TBC1D23: variants seen among roughly 807,000 people sequenced by gnomAD.
TBC1D23 encodes TBC1 domain family member 23, also known as HCV non-structural protein 4A-transactivated protein 1.
TBC1D23 carries 55 observed loss-of-function variants against 91.4 expected under a neutral mutation model. The observed-to-expected ratio is 0.60, with a 90% CI of 0.48 to 0.75. The LOEUF (loss-of-function observed/expected upper bound fraction) is 0.75, where lower values mean the gene tolerates loss of function less well. Ranked by LOEUF, TBC1D23 falls within the 30% of genes least tolerant of loss-of-function variation. TBC1D23 has a pLI of 0.00. For missense variants in TBC1D23, 725 were observed against 836.1 expected, an observed-to-expected ratio of 0.87 and a Z score of 1.64; for synonymous variants, 289 against 281.0, an observed-to-expected ratio of 1.03 and a Z score of -0.28.
chr3:100,323,558 T>C, intron 18 of TBC1D23, 29 bp from the exon 19 acceptor site: 2 of 1,138,346 alleles, frequency 1.8e-6, no homozygotes, highest in Non-Finnish European at 2.4e-6. Flanking sequence ...TATATATATG[T>C]ATATATATGT....
chr3:100,281,057 G>A (rs1011257840), intron 2 of TBC1D23, among the ~76,000 whole-genome samples: 1 of 152,146 alleles, frequency 6.6e-6, no homozygotes, highest in Non-Finnish European at 1.5e-5. Flanking sequence ...CTACTTGGGA[G>A]GCTGAGGCAG....
At chr3:100,294,759 T>C (rs2067823353) in intron 5 of TBC1D23, among the ~76,000 whole-genome samples, 1 of 152,242 alleles carries the variant, frequency 6.6e-6, no homozygotes, top group South Asian at 2.1e-4. Context: ...CTAGTTATGC[T>C]ATGGCAAAGA....
At chr3:100,296,637 A>C (rs1397398703) in intron 8 of TBC1D23, among the ~76,000 whole-genome samples, 1 of 152,074 alleles carries the variant, frequency 6.6e-6, no homozygotes, top group Admixed American at 6.6e-5. Flanking sequence ...AGGTGGGTGG[A>C]TCACGAGGTC....
chr3:100,308,140 A>G (rs892836528), intron 13 of TBC1D23, among the ~76,000 whole-genome samples: 5 of 152,214 alleles, frequency 3.3e-5, no homozygotes, highest in African/African-American at 1.2e-4. Flanking sequence ...AGATATGGAA[A>G]TAGAAACATA....
Position 100,324,610 on chromosome 3 carries a change from CTCT to C in TBC1D23, c.*947_*949del, listed in dbSNP as rs1427906863. 3 of 152,112 alleles carry C rather than the reference CTCT, an allele frequency of 2.0e-5. No individual in the cohort carries two copies. The highest frequency in any genetic ancestry group is 2.9e-5 in the Non-Finnish European group (2 of 67,988). The allele number at this position is 152,112 out of a possible 1,614,324, so 9.4% of individuals were successfully genotyped here. A position where few individuals can be genotyped will look rare whatever the true frequency, so the allele number is the denominator to read the frequency against. On this transcript the variant is annotated 3_prime_UTR_variant, in exon 19 of 19. Transcript: ENST00000394144. ...TTGTCATCATTTTCTGAATTTCTTT[CTCT>C]TCTTTTGGTTTTGTCCTCTCATTGA...
chr3:100,322,769 C>CTTT (rs900270649), intron 18 of TBC1D23, among the ~76,000 whole-genome samples: 1 of 146,678 alleles, frequency 6.8e-6, no homozygotes, highest in African/African-American at 2.5e-5. Flanking sequence ...GGATCAACAT[C>CTTT]TTTTTTTTTT....
chr3:100,294,616 A>G (rs951919145), intron 5 of TBC1D23, among the ~76,000 whole-genome samples: 1 of 152,132 alleles, frequency 6.6e-6, no homozygotes, highest in African/African-American at 2.4e-5. Flanking sequence ...TATTTATATT[A>G]TGATTAAAGT....
chr3:100,297,735 CA>C (rs1705328540), intron 8 of TBC1D23, among the ~76,000 whole-genome samples, 187 bp from the exon 9 acceptor site: 1 of 151,148 alleles, frequency 6.6e-6, no homozygotes, highest in Non-Finnish European at 1.5e-5. Flanking sequence ...TGAACACTGA[CA>C]GGGACTTTAT....
intron 1 of TBC1D23, among the ~76,000 whole-genome samples, chr3:100,270,828 C>A (rs1329093217): frequency 6.6e-6 from 1 of 151,892 alleles, no homozygotes; most frequent in Non-Finnish European, 1.5e-5. Context: ...AATAATAAAT[C>A]TTAGACTTTG....
intron 4 of TBC1D23, among the ~76,000 whole-genome samples, chr3:100,287,311 A>G (rs2067752280): frequency 6.6e-6 from 1 of 152,100 alleles, no homozygotes; most frequent in Non-Finnish European, 1.5e-5. Flanking sequence ...ACTGGGTTTT[A>G]CCACTAGCAT....
intron 1 of TBC1D23, among the ~76,000 whole-genome samples, chr3:100,275,400 G>A (rs2067640762): frequency 6.6e-6 from 1 of 151,984 alleles, no homozygotes; most frequent in Non-Finnish European, 1.5e-5. Context: ...TGATCCTCCT[G>A]CCTCAGCCTG....
At chr3:100,283,940 C>A (rs542885070) in intron 4 of TBC1D23, 129 bp downstream of exon 4, 106 of 559,876 alleles carry the variant, frequency 1.9e-4, no homozygotes, top group African/African-American at 1.7e-3. Context: ...TTGTTTGATC[C>A]ATAATTGTTA....
intron 1 of TBC1D23, among the ~76,000 whole-genome samples, chr3:100,270,064 G>A (rs897588223): frequency 2.0e-5 from 3 of 152,144 alleles, no homozygotes; most frequent in Admixed American, 6.6e-5. Context: ...CTTCAGAGCC[G>A]CTCCCACCTC....
rs867709140 is a variant in TBC1D23 at position 100,282,280 on chromosome 3, C to A, written c.271+433C>A. ...TGACCTGAGATCACACCACTGCACT[C>A]CAGCCTGGGCACAGAGTGAGACTCT... On this transcript the variant is annotated intron_variant, in intron 3 of 18. Coordinates refer to ENST00000394144, the MANE Select transcript of TBC1D23 (RefSeq NM_001199198.3). Among the ~76,000 whole-genome samples, 31 of 152,280 alleles carry A rather than the reference C, an allele frequency of 2.0e-4. No homozygotes were observed. The Middle Eastern group carries it at 0.01, about 50-fold the overall frequency.
intron 5 of TBC1D23, among the ~76,000 whole-genome samples, chr3:100,291,788 T>C (rs1559806709): frequency 7.2e-6 from 1 of 138,330 alleles, no homozygotes; most frequent in African/African-American, 2.5e-5. Context: ...ATATCTGCTT[T>C]TTTTTTTCTT....
Position 100,316,129 on chromosome 3 carries a change from G to A in TBC1D23, c.1629G>A (p.Lys543=), listed in dbSNP as rs1464140462. 4.3e-6 allele frequency: 7 copies of A among 1,613,988 alleles called. No individual in the cohort carries two copies. Among genetic ancestry groups the A allele is most frequent in the African/African-American group, 1.3e-5 (1 of 74,918 alleles). ...TGAGCAGCAGTGACAGAGTGGGCAA[G>A]CCTTACCGTGGCGTAAAGCCTGTTT... ...RHVSSSDRVG[K]PYRGVKPVFS... is the part of the protein sequence containing the mutation. Residue 543 remains lysine (K), a synonymous_variant, in exon 16 of 19, where the codon AAG becomes AAA. Coordinates refer to ENST00000394144, the MANE Select transcript of TBC1D23 (RefSeq NM_001199198.3).
At position 100,281,817 on chromosome 3, in the gene TBC1D23, A is replaced by C; in HGVS notation, c.241A>C (p.Thr81Pro). Reference sequence around the variant, plus strand: ...TATTTTAGACTTGCCAGAACAGAACACTATTCACAAAGATTGCCTGCAGTT... The same window carrying C: ...TATTTTAGACTTGCCAGAACAGAACCCTATTCACAAAGATTGCCTGCAGTT... ...DGILDLPEQN[T>P]IHKDCLQFID... The change falls in exon 3 of 19, where the codon ACT becomes CCT. Residue 81 changes from threonine (T) to proline (P), a missense_variant. Coordinates refer to ENST00000394144, the MANE Select transcript of TBC1D23 (RefSeq NM_001199198.3). 1 of 1,610,380 alleles carries C rather than the reference A, an allele frequency of 6.2e-7. No individual in the cohort carries two copies.
At chr3:100,321,412 A>C (rs1705856375) in intron 18 of TBC1D23, among the ~76,000 whole-genome samples, 1 of 152,196 alleles carries the variant, frequency 6.6e-6, no homozygotes, top group Admixed American at 6.5e-5. Flanking sequence ...ATTGTGGGTC[A>C]CTAACAGTTC....
chr3:100,281,097 G>A (rs2067690316), intron 2 of TBC1D23, among the ~76,000 whole-genome samples: 2 of 152,086 alleles, frequency 1.3e-5, no homozygotes, highest in Admixed American at 6.6e-5. Context: ...GAGGCGGAGA[G>A]GTTGCATTGA....
Sources: gnomAD v4.1 joint callset for allele counts (sites outside exome capture counted in the v4.1 genomes callset) on GRCh38, gnomAD v4.1.1 for gene constraint, MANE v1.5 for transcripts, NCBI Gene and HGNC (gene_info 2026-07-23, HGNC 2026-07-21) for gene names.